The following HS3ST3A1 variants were observed in gnomAD, a reference collection of about 807,000 sequenced individuals.
The protein encoded by HS3ST3A1 is heparan sulfate glucosamine 3-O-sulfotransferase 3A1.
HS3ST3A1 carries 19 observed loss-of-function variants against 25.7 expected under a neutral mutation model. The ratio of observed to expected loss-of-function variants is 0.74; its 90% CI spans 0.52 to 1.08. HS3ST3A1 has a LOEUF of 1.08. Among genes scored for constraint, HS3ST3A1 ranks in the 50% least tolerant of loss-of-function variants. HS3ST3A1 has a pLI of 0.00. For missense variants in HS3ST3A1, 459 were observed against 594.3 expected (o/e 0.77, Z 2.37); for synonymous variants, 226 against 278.6 (o/e 0.81, Z 1.88).
chr17:13,499,545 G>A (rs1188009073), intron 1 of HS3ST3A1, among the ~76,000 whole-genome samples: 1 of 146,270 alleles, frequency 6.8e-6, no homozygotes, highest in African/African-American at 2.5e-5. Flanking sequence ...GTAAAATAGA[G>A]AGAGAATAAT....
At chr17:13,528,952 A>C (rs1037836005) in intron 1 of HS3ST3A1, among the ~76,000 whole-genome samples, 2 of 152,042 alleles carry the variant, frequency 1.3e-5, no homozygotes, top group Admixed American at 6.5e-5. Context: ...TGAAGCGGGG[A>C]GATAAAGCTG....
At chr17:13,549,025 C>G (rs1350253669) in intron 1 of HS3ST3A1, among the ~76,000 whole-genome samples, 1 of 152,234 alleles carries the variant, frequency 6.6e-6, no homozygotes, top group Non-Finnish European at 1.5e-5. Flanking sequence ...CCTTGCCACA[C>G]TGTGGAAGCT....
chr17:13,585,915 TCTCGGCTCACTGCAAC>T (rs1908252890), intron 1 of HS3ST3A1, among the ~76,000 whole-genome samples: 1 of 133,712 alleles, frequency 7.5e-6, no homozygotes, highest in Admixed American at 8.1e-5. Context: ...AGTGGCGCAA[TCTCGGCTCACTGCAAC>T]CTCTGCCTCC....
intron 1 of HS3ST3A1, among the ~76,000 whole-genome samples, chr17:13,571,029 C>A (rs534225873): frequency 6.6e-6 from 1 of 152,050 alleles, no homozygotes; most frequent in Non-Finnish European, 1.5e-5. Flanking sequence ...CTTAGGTGTC[C>A]GTAAACCTAG....
chr17:13,580,838 C>G (rs1397465228), intron 1 of HS3ST3A1, among the ~76,000 whole-genome samples: 2 of 152,028 alleles, frequency 1.3e-5, no homozygotes, highest in African/African-American at 4.8e-5. Flanking sequence ...TTGTCGTGAG[C>G]CGAGATCACG....
At chr17:13,581,527 AATAAT>A (rs1193809746) in intron 1 of HS3ST3A1, among the ~76,000 whole-genome samples, 1 of 152,146 alleles carries the variant, frequency 6.6e-6, no homozygotes, top group Non-Finnish European at 1.5e-5. Context: ...AAGCTAATAA[AATAAT>A]ATTTCTAAAG....
chr17:13,576,346 C>A (rs2142377761), intron 1 of HS3ST3A1, among the ~76,000 whole-genome samples: 1 of 152,328 alleles, frequency 6.6e-6, no homozygotes, highest in South Asian at 2.1e-4. Context: ...TCCAAGCTCA[C>A]TCACGTGGCT....
At chr17:13,504,916 T>C (rs1905609334) in intron 1 of HS3ST3A1, among the ~76,000 whole-genome samples, 1 of 152,218 alleles carries the variant, frequency 6.6e-6, no homozygotes, top group Admixed American at 6.5e-5. Flanking sequence ...ACCTGGAGGA[T>C]GTGTTTCAAG....
At chr17:13,590,866 CT>C (rs1908403777) in intron 1 of HS3ST3A1, among the ~76,000 whole-genome samples, 1 of 151,868 alleles carries the variant, frequency 6.6e-6, no homozygotes, top group Admixed American at 6.6e-5. Flanking sequence ...AAAAGACAGA[CT>C]GGCAGAGTGG....
chr17:13,531,016 T>C (rs763574901), intron 1 of HS3ST3A1, among the ~76,000 whole-genome samples: 3 of 152,166 alleles, frequency 2.0e-5, no homozygotes, highest in Non-Finnish European at 4.4e-5. Context: ...TTCCATTTGA[T>C]TGGGTCAAGC....
At chr17:13,578,366 G>C (rs567231417) in intron 1 of HS3ST3A1, among the ~76,000 whole-genome samples, 1 of 148,506 alleles carries the variant, frequency 6.7e-6, no homozygotes, top group Non-Finnish European at 1.5e-5. Flanking sequence ...CGGCCAACAC[G>C]GTGAAATCCC....
chr17:13,506,188 T>C (rs1393560141), intron 1 of HS3ST3A1, among the ~76,000 whole-genome samples: 12 of 151,810 alleles, frequency 7.9e-5, no homozygotes, highest in Admixed American at 7.9e-4. Context: ...TGTATCTCCA[T>C]GAAGACAACA....
At chr17:13,513,029 C>T (rs1455859217) in intron 1 of HS3ST3A1, among the ~76,000 whole-genome samples, 2 of 152,154 alleles carry the variant, frequency 1.3e-5, no homozygotes, top group African/African-American at 2.4e-5. Flanking sequence ...TAGCTTGATT[C>T]ATAACTTTTT....
chr17:13,521,789 G>A (rs528427242), intron 1 of HS3ST3A1, among the ~76,000 whole-genome samples: 1 of 152,270 alleles, frequency 6.6e-6, no homozygotes, highest in South Asian at 2.1e-4. Flanking sequence ...CTAGGATTGA[G>A]GGAAGTGTGT....
chr17:13,576,275 G>A (rs1567627827), intron 1 of HS3ST3A1, among the ~76,000 whole-genome samples: 1 of 152,202 alleles, frequency 6.6e-6, no homozygotes, highest in Admixed American at 6.5e-5. Context: ...TATCTCTTGC[G>A]ATCACAGTCA....
At chr17:13,498,947 T>A (rs1337697713) in intron 1 of HS3ST3A1, among the ~76,000 whole-genome samples, 1 of 149,852 alleles carries the variant, frequency 6.7e-6, no homozygotes, top group African/African-American at 2.4e-5. Context: ...CTATTTTTGT[T>A]TTTTTTTTTT....
intron 1 of HS3ST3A1, among the ~76,000 whole-genome samples, chr17:13,556,850 T>TCAA (rs1567623096): frequency 1.6e-5 from 2 of 124,912 alleles, no homozygotes; most frequent in African/African-American, 2.8e-5. Context: ...AAACTCCGCC[T>TCAA]AAAAAAAAAA....
At chr17:13,512,191 G>T (rs550243202) in intron 1 of HS3ST3A1, among the ~76,000 whole-genome samples, 2 of 151,722 alleles carry the variant, frequency 1.3e-5, no homozygotes, top group Non-Finnish European at 2.9e-5. Flanking sequence ...CCCAGCTACT[G>T]GGGAGGCTGA....
chr17:13,497,626 A>G (rs1905327499), intron 1 of HS3ST3A1, among the ~76,000 whole-genome samples: 2 of 152,376 alleles, frequency 1.3e-5, no homozygotes, highest in South Asian at 4.1e-4. Flanking sequence ...CTGTTCAAGC[A>G]GGCTTTCTAC....
Sources: allele counts gnomAD v4.1 joint callset (sites outside exome capture counted in the v4.1 genomes callset), GRCh38; gene constraint gnomAD v4.1.1; transcripts MANE v1.5; gene names NCBI Gene and HGNC (gene_info 2026-07-23, HGNC 2026-07-21).